COL19A1: variants seen among roughly 807,000 people sequenced by gnomAD.
COL19A1 encodes the protein collagen alpha-1(XIX) chain.
Under a neutral mutation model 190.2 loss-of-function variants are expected in COL19A1, and 159 were observed. The ratio of observed to expected loss-of-function variants is 0.84; its 90% CI spans 0.73 to 0.95. The LOEUF is 0.95. COL19A1 is among the 40% of genes least tolerant of loss of function. The probability of loss-of-function intolerance (pLI) is 0.00; values close to 1 mark genes in which losing one functional copy is unlikely to be tolerated. For missense variants in COL19A1, 1,418 were observed against 1,431.9 expected (o/e 0.99, Z 0.16); for synonymous variants, 509 against 458.9 (o/e 1.11, Z -1.39).
chr6:70,161,989 A>G lies in COL19A1; in HGVS notation c.2346+36A>G, dbSNP rs1787838795. The G allele has an allele frequency of 5.8e-6, 9 of 1,565,108 alleles. No individual in the cohort carries two copies. In the South Asian group the frequency reaches 1.1e-4, roughly 19 times the overall value. On this transcript the variant is annotated intron_variant, in intron 35 of 50. Coordinates refer to ENST00000620364, the MANE Select transcript of COL19A1 (RefSeq NM_001858.6). ...GTTAAAACGATTGCACTCACAGCTTATATCTGCTGGTTTGATGCAAGGTGA... is the reference window on the plus strand; with the variant it reads ...GTTAAAACGATTGCACTCACAGCTTGTATCTGCTGGTTTGATGCAAGGTGA...
chr6:70,096,838 T>C (rs1355291772), intron 15 of COL19A1, among the ~76,000 whole-genome samples: 1 of 152,120 alleles, frequency 6.6e-6, no homozygotes, highest in Non-Finnish European at 1.5e-5. Context: ...ATGCAGATTC[T>C]CAGATCTCAC....
chr6:69,998,644 C>CAA (rs34860121), intron 11 of COL19A1, among the ~76,000 whole-genome samples: 3,036 of 67,144 alleles, frequency 0.045, 157 homozygotes, highest in African/African-American at 0.14. Flanking sequence ...GACTCCCTCT[C>CAA]AAAAAAAAAA....
At chr6:69,893,993 G>A (rs1582308494) in intron 2 of COL19A1, among the ~76,000 whole-genome samples, 1 of 148,354 alleles carries the variant, frequency 6.7e-6, no homozygotes, top group African/African-American at 2.5e-5. Flanking sequence ...CCACCTTTCT[G>A]AACCAAACCA....
At chr6:69,873,157 C>G (rs1767938049) in intron 1 of COL19A1, among the ~76,000 whole-genome samples, 1 of 152,030 alleles carries the variant, frequency 6.6e-6, no homozygotes, top group African/African-American at 2.4e-5. Flanking sequence ...TGCACCCGCT[C>G]TCAGAGTTAG....
At chr6:70,189,031 G>A (rs1766699205) in intron 47 of COL19A1, among the ~76,000 whole-genome samples, 1 of 152,170 alleles carries the variant, frequency 6.6e-6, no homozygotes, top group South Asian at 2.1e-4. Flanking sequence ...GGTTGTGTCA[G>A]TAATTGGTAT....
intron 36 of COL19A1, 58 bp downstream of exon 36, chr6:70,163,454 G>T: frequency 6.7e-7 from 1 of 1,497,586 alleles, no homozygotes; most frequent in South Asian, 1.2e-5. Flanking sequence ...GGAGCAGGAT[G>T]AGACTCTTCA....
chr6:70,158,859 A>C (rs1357105396), intron 34 of COL19A1, among the ~76,000 whole-genome samples: 3 of 152,100 alleles, frequency 2.0e-5, no homozygotes, highest in Non-Finnish European at 2.9e-5. Context: ...CTGTATGTTA[A>C]ATTGACTGTC....
At chr6:69,896,780 A>C (rs1769804005) in intron 2 of COL19A1, among the ~76,000 whole-genome samples, 1 of 152,156 alleles carries the variant, frequency 6.6e-6, no homozygotes, top group Non-Finnish European at 1.5e-5. Flanking sequence ...GAACATTTGG[A>C]TATTCTCTTT....
intron 48 of COL19A1, among the ~76,000 whole-genome samples, chr6:70,192,124 G>A (rs897646394): frequency 1.6e-4 from 25 of 152,034 alleles, no homozygotes; most frequent in African/African-American, 4.1e-4. Flanking sequence ...GCAATGACGC[G>A]ATCTCAGCCC....
rs575357763 is a variant in COL19A1, at chr6:70,056,543, T to C, written c.1171-11880T>C. Among the ~76,000 whole-genome samples the C allele has an allele frequency of 1.7e-4, 26 of 152,318 alleles. No homozygotes were observed. In the East Asian group the frequency reaches 2.3e-3, roughly 14 times the overall value. On this transcript the variant is annotated intron_variant, in intron 14 of 50. Transcript: ENST00000620364. ...TTCACCTGTGCCGTGTGATTCATGATTGAGCCTTATGATCTATGAGAGCAT... is the reference window on the plus strand; with the variant it reads ...TTCACCTGTGCCGTGTGATTCATGACTGAGCCTTATGATCTATGAGAGCAT...
At chr6:69,935,868 T>C (rs116102982) in intron 7 of COL19A1, among the ~76,000 whole-genome samples, 2,711 of 152,136 alleles carry the variant, frequency 0.018, 104 homozygotes, top group African/African-American at 0.062. Flanking sequence ...TACTGGAAAA[T>C]ATAGCCAAAT....
intron 11 of COL19A1, among the ~76,000 whole-genome samples, chr6:70,008,346 G>A (rs1471130989): frequency 6.6e-6 from 1 of 151,634 alleles, no homozygotes. Context: ...TAACTACAAT[G>A]AGGGAGGGGA....
intron 34 of COL19A1, among the ~76,000 whole-genome samples, chr6:70,157,574 T>A (rs2150254278): frequency 6.6e-6 from 1 of 152,254 alleles, no homozygotes; most frequent in South Asian, 2.1e-4. Flanking sequence ...GTAATCATCA[T>A]GTACTATTGT....
At chr6:70,074,403 G>A (rs1781740810) in intron 15 of COL19A1, among the ~76,000 whole-genome samples, 1 of 149,140 alleles carries the variant, frequency 6.7e-6, no homozygotes, top group East Asian at 2.0e-4. Context: ...GGAGACTGAG[G>A]CAGGAGAATC....
rs1562238750 is a variant in COL19A1, at chr6:70,168,085, T to C, written c.2496+10T>C. 1 of 1,585,020 alleles carries C rather than the reference T, an allele frequency of 6.3e-7. No homozygotes were observed. Among genetic ancestry groups the C allele is most frequent in the Admixed American group, 1.7e-5 (1 of 59,554 alleles). On this transcript the variant is annotated intron_variant, in intron 38 of 50. Transcript: ENST00000620364. ...TTTATATAAAATTAAGGTATTTATA[T>C]TTGTAATTATTTAAAATCCAGTTAT...
chr6:70,029,912 A>C (rs985629991), intron 12 of COL19A1, among the ~76,000 whole-genome samples: 5 of 152,182 alleles, frequency 3.3e-5, no homozygotes, highest in Admixed American at 2.0e-4. Context: ...CCGTATGCTA[A>C]ATGTCTCTAC....
intron 4 of COL19A1, among the ~76,000 whole-genome samples, chr6:69,926,826 C>T (rs1353198157): frequency 6.6e-6 from 1 of 152,006 alleles, no homozygotes; most frequent in Admixed American, 6.6e-5. Flanking sequence ...ACATGATAAC[C>T]AAACTGCCAA....
At chr6:69,967,034 G>A (rs1330101206) in intron 11 of COL19A1, among the ~76,000 whole-genome samples, 2 of 152,098 alleles carry the variant, frequency 1.3e-5, no homozygotes, top group East Asian at 3.8e-4. Context: ...ATTTTATGTT[G>A]TCACTCAAGT....
At chr6:69,992,164 C>G (rs1170367807) in intron 11 of COL19A1, among the ~76,000 whole-genome samples, 2 of 152,012 alleles carry the variant, frequency 1.3e-5, no homozygotes, top group African/African-American at 4.8e-5. Flanking sequence ...AGTCCTTTCC[C>G]CATTGCTTGT....
Sources: gnomAD v4.1 joint callset for allele counts (sites outside exome capture counted in the v4.1 genomes callset) on GRCh38, gnomAD v4.1.1 for gene constraint, MANE v1.5 for transcripts, NCBI Gene and HGNC (gene_info 2026-07-23, HGNC 2026-07-21) for gene names.